The following WWOX variants were observed in gnomAD, a reference collection of about 807,000 sequenced individuals.
The protein encoded by WWOX is WW domain containing oxidoreductase.
In WWOX, 69 loss-of-function variants were observed where a neutral mutation model predicts 46.2. The observed-to-expected ratio is 1.49, with a 90% CI of 1.23 to 1.82. The LOEUF (loss-of-function observed/expected upper bound fraction) is 1.82. WWOX is among the 40% of genes most tolerant of loss of function. The probability of loss-of-function intolerance (pLI) is 0.00; values close to 1 mark genes in which losing one functional copy is unlikely to be tolerated. For synonymous variants in WWOX, 359 were observed against 202.6 expected (o/e 1.77, Z -6.56); for missense variants, 919 against 542.6 (o/e 1.69, Z -6.89).
chr16:78,991,294 A>G (rs1018701430), intron 8 of WWOX, among the ~76,000 whole-genome samples: 1 of 152,136 alleles, frequency 6.6e-6, no homozygotes, highest in East Asian at 1.9e-4. Flanking sequence ...TTTGGAGTCC[A>G]TGTTAAATCC....
chr16:78,369,714 G>T (rs901966828), intron 5 of WWOX, among the ~76,000 whole-genome samples: 2 of 151,874 alleles, frequency 1.3e-5, no homozygotes, highest in African/African-American at 4.8e-5. Flanking sequence ...AACACCATCA[G>T]AAATCCAATT....
chr16:78,770,160 G>A (rs2142516229), intron 8 of WWOX, among the ~76,000 whole-genome samples: 1 of 152,248 alleles, frequency 6.6e-6, no homozygotes, highest in South Asian at 2.1e-4. Flanking sequence ...AGACCAGCCT[G>A]GCCAACATGG....
intron 8 of WWOX, among the ~76,000 whole-genome samples, chr16:78,625,836 G>A (rs984937537): frequency 6.9e-6 from 1 of 144,662 alleles, no homozygotes; most frequent in African/African-American, 2.6e-5. Context: ...TGGCAATTGC[G>A]GTTTTTGCCG....
In WWOX at chr16:79,150,999, C is replaced by T. The variant is rs553271511; in HGVS notation, c.1057-60609C>T. ...CTCCCTGATTTGAGGCTTTGTAGGA[C>T]GTTGCACAGGAATTATTTCCCTTTT... On this transcript the variant is annotated intron_variant, in intron 8 of 8. Transcript: ENST00000566780. Among the ~76,000 whole-genome samples the T allele has an allele frequency of 3.3e-3, 505 of 152,254 alleles. 1 individual carries two copies. Among genetic ancestry groups the T allele is most frequent in the Non-Finnish European group, 4.7e-3 (318 of 68,028 alleles).
At chr16:78,999,525 T>C (rs9941213) in intron 8 of WWOX, among the ~76,000 whole-genome samples, 25,880 of 152,166 alleles carry the variant, frequency 0.17, 2,358 homozygotes, top group East Asian at 0.29. Context: ...GAAAATGATC[T>C]GCATGGAGGA....
intron 8 of WWOX, among the ~76,000 whole-genome samples, chr16:78,550,094 G>A (rs1441049022): frequency 6.6e-6 from 1 of 152,192 alleles, no homozygotes; most frequent in African/African-American, 2.4e-5. Context: ...TTCAAAAAGA[G>A]TGGCTGTGAA....
intron 8 of WWOX, among the ~76,000 whole-genome samples, chr16:78,854,988 C>T (rs1227147845): frequency 1.3e-5 from 2 of 150,268 alleles, no homozygotes; most frequent in Non-Finnish European, 3.0e-5. Context: ...CTCAAATTTA[C>T]ACTCCATTAT....
chr16:78,741,833 C>T (rs115157630), intron 8 of WWOX, among the ~76,000 whole-genome samples: 1,677 of 152,266 alleles, frequency 0.011, 35 homozygotes, highest in African/African-American at 0.038. Flanking sequence ...CCAGCCTGGG[C>T]GGCAGAGTGA....
chr16:78,575,311 C>G (rs1051938339), intron 8 of WWOX, among the ~76,000 whole-genome samples: 1 of 150,246 alleles, frequency 6.7e-6, no homozygotes, highest in Admixed American at 6.7e-5. Context: ...TCAGATCTCC[C>G]TAATACTGTT....
intron 8 of WWOX, among the ~76,000 whole-genome samples, chr16:78,864,676 A>T (rs1223219172): frequency 1.3e-5 from 2 of 151,340 alleles, no homozygotes; most frequent in Non-Finnish European, 2.9e-5. Context: ...CTGTTAGCAC[A>T]GGGTCTGACA....
chr16:78,526,981 A>G (rs1476133289), intron 8 of WWOX, among the ~76,000 whole-genome samples: 1 of 152,186 alleles, frequency 6.6e-6, no homozygotes, highest in African/African-American at 2.4e-5. Context: ...CCTGACCAAC[A>G]TGGTGAAACC....
At chr16:78,281,971 A>G (rs1280548053) in intron 5 of WWOX, among the ~76,000 whole-genome samples, 2 of 152,176 alleles carry the variant, frequency 1.3e-5, no homozygotes, top group African/African-American at 2.4e-5. Flanking sequence ...GCAGACGAGC[A>G]CTGTCCCATC....
chr16:78,780,773 G>T (rs993139671), intron 8 of WWOX, among the ~76,000 whole-genome samples: 18 of 152,178 alleles, frequency 1.2e-4, no homozygotes, highest in African/African-American at 4.1e-4. Context: ...AAAGGGGCCC[G>T]TATGGCTAGC....
chr16:78,723,410 G>T (rs1260573451), intron 8 of WWOX, among the ~76,000 whole-genome samples: 1 of 150,492 alleles, frequency 6.6e-6, no homozygotes, highest in Non-Finnish European at 1.5e-5. Context: ...AAGATGCCCT[G>T]ATGGTGCCAA....
At chr16:78,619,594 G>A (rs2046126315) in intron 8 of WWOX, among the ~76,000 whole-genome samples, 1 of 151,648 alleles carries the variant, frequency 6.6e-6, no homozygotes, top group Non-Finnish European at 1.5e-5. Context: ...GTAAATGGAG[G>A]CAATAGTGAT....
intron 6 of WWOX, among the ~76,000 whole-genome samples, chr16:78,398,625 T>C (rs1284479876): frequency 1.3e-5 from 2 of 152,218 alleles, no homozygotes; most frequent in African/African-American, 2.4e-5. Flanking sequence ...TTGATTTTAC[T>C]TCATTAAACT....
At chr16:78,812,046 T>C (rs1354062108) in intron 8 of WWOX, among the ~76,000 whole-genome samples, 1 of 152,132 alleles carries the variant, frequency 6.6e-6, no homozygotes, top group Non-Finnish European at 1.5e-5. Flanking sequence ...TTGTTTACCC[T>C]CTCACACAGT....
chr16:78,910,925 C>A (rs568298108), intron 8 of WWOX, among the ~76,000 whole-genome samples: 4 of 152,090 alleles, frequency 2.6e-5, no homozygotes, highest in African/African-American at 9.6e-5. Context: ...TGTTGATCAG[C>A]TCAATTTAGC....
At chr16:78,484,799 G>A (rs954499818) in intron 8 of WWOX, among the ~76,000 whole-genome samples, 1 of 152,186 alleles carries the variant, frequency 6.6e-6, no homozygotes, top group Non-Finnish European at 1.5e-5. Flanking sequence ...AAGCTGTCCT[G>A]AAGTCGAGGT....
Sources: allele counts gnomAD v4.1 joint callset (sites outside exome capture counted in the v4.1 genomes callset), GRCh38; gene constraint gnomAD v4.1.1; transcripts MANE v1.5; gene names NCBI Gene and HGNC (gene_info 2026-07-23, HGNC 2026-07-21).